MDGA1: variants seen among roughly 807,000 people sequenced by gnomAD.
The protein encoded by MDGA1 is MAM domain-containing glycosylphosphatidylinositol anchor protein 1.
A neutral mutation model predicts 101.5 loss-of-function variants in MDGA1; 54 were observed. The observed-to-expected ratio is 0.53, with a 90% CI of 0.43 to 0.67. MDGA1 has a LOEUF of 0.67. Ranked by LOEUF, MDGA1 falls within the 30% of genes least tolerant of loss-of-function variation. MDGA1 has a pLI of 0.00. For missense variants in MDGA1, 1,083 were observed against 1,323.8 expected (o/e 0.82, Z 2.82); for synonymous variants, 533 against 558.3 (o/e 0.95, Z 0.64).
intron 1 of MDGA1, among the ~76,000 whole-genome samples, chr6:37,684,412 A>G (rs1399925159): frequency 1.3e-5 from 2 of 152,242 alleles, no homozygotes; most frequent in African/African-American, 4.8e-5. Context: ...GTCTGAGAAT[A>G]AGAAATGAGG....
intron 1 of MDGA1, among the ~76,000 whole-genome samples, chr6:37,692,959 G>C (rs1762345142): frequency 6.6e-6 from 1 of 152,192 alleles, no homozygotes; most frequent in Non-Finnish European, 1.5e-5. Context: ...CCCTAAGGCG[G>C]GGGCTCTCCA....
chr6:37,658,393 G>A lies in MDGA1; in HGVS notation c.234C>T (p.Ser78=), dbSNP rs758378803. 1.7e-5 allele frequency: 28 copies of A among 1,610,364 alleles called. No individual in the cohort carries two copies. The highest frequency in any genetic ancestry group is 2.2e-5 in the South Asian group (2 of 90,668). Residue 78 remains serine (S), a synonymous_variant, in exon 3 of 17, where the codon AGC becomes AGT. Transcript: ENST00000434837. The stretch of plus-strand genomic sequence containing the variant: ...ATGTCTCCTGGAACTTGTCCGAGGC[G>A]CTACCTGCCGTCTTGGTCCACCGTA... The part of the protein sequence containing the change: ...PQVRWTKTAG[S]ASDKFQETSV...
At position 37,638,444 on chromosome 6, in the gene MDGA1, G is replaced by T; in HGVS notation, c.2667+93C>A. 1 of 1,573,188 alleles carries T rather than the reference G, an allele frequency of 6.4e-7. No individual in the cohort carries two copies. Reference sequence around the variant, plus strand: ...CCTAACCTGACTCTTTCCATCCTTAGCCCCCAGGAAGAAGGACAAGGTTTT... The same window carrying T: ...CCTAACCTGACTCTTTCCATCCTTATCCCCCAGGAAGAAGGACAAGGTTTT... On this transcript the variant is annotated intron_variant, in intron 15 of 16. Transcript: ENST00000434837. The surrounding 1 kb of genome is among the most constrained non-coding windows in gnomAD (Gnocchi z 4.8).
At chr6:37,645,061 T>A (rs982997438) in intron 12 of MDGA1, among the ~76,000 whole-genome samples, 2 of 152,246 alleles carry the variant, frequency 1.3e-5, no homozygotes, top group African/African-American at 2.4e-5. Flanking sequence ...ACTATAGTTT[T>A]GAAATACAAA....
At chr6:37,637,877 C>A in intron 16 of MDGA1, 1 of 530,912 alleles carries the variant, frequency 1.9e-6, no homozygotes, top group East Asian at 3.0e-5. Context: ...GTATTGGAAA[C>A]CTCTGGCCCT....
chr6:37,659,587 C>T (rs1440266216), intron 2 of MDGA1, among the ~76,000 whole-genome samples: 1 of 152,118 alleles, frequency 6.6e-6, no homozygotes, highest in African/African-American at 2.4e-5. Context: ...GGACTTCAGT[C>T]TTTAAGTAGG....
chr6:37,657,584 G>A (rs536870675), intron 3 of MDGA1, among the ~76,000 whole-genome samples: 1 of 152,372 alleles, frequency 6.6e-6, no homozygotes, highest in East Asian at 1.9e-4. Context: ...CACTTAGGGA[G>A]TGTGAGGATG....
chr6:37,694,140 G>C (rs981616448), intron 1 of MDGA1, among the ~76,000 whole-genome samples: 2 of 152,146 alleles, frequency 1.3e-5, no homozygotes, highest in Non-Finnish European at 2.9e-5. Context: ...TCCTCCCCAG[G>C]ATATACATTT....
rs573883779 is a variant in MDGA1 at position 37,652,711 on chromosome 6, A to G, written c.983-371T>C. On this transcript the variant is annotated intron_variant, in intron 6 of 16. Coordinates refer to ENST00000434837, the MANE Select transcript of MDGA1 (RefSeq NM_153487.4). The surrounding 1 kb of genome is among the most constrained non-coding windows in gnomAD (Gnocchi z 4.3). Reference sequence around the variant, plus strand: ...AAGGGAACTGAGGCTCAGACAGCTTAAGTAACTTGCCCAAAAAAGTAGCCA... The same window carrying G: ...AAGGGAACTGAGGCTCAGACAGCTTGAGTAACTTGCCCAAAAAAGTAGCCA... Among the ~76,000 whole-genome samples the G allele has an allele frequency of 7.9e-5, 12 of 152,342 alleles. 1 individual carries two copies. Among genetic ancestry groups the G allele is most frequent in the Admixed American group, 7.8e-4 (12 of 15,300 alleles).
At chr6:37,674,931 C>A (rs1364565530) in intron 1 of MDGA1, among the ~76,000 whole-genome samples, 1 of 152,164 alleles carries the variant, frequency 6.6e-6, no homozygotes, top group African/African-American at 2.4e-5. Flanking sequence ...GTGGCAGGCG[C>A]CTGTAATCCC....
intron 1 of MDGA1, among the ~76,000 whole-genome samples, chr6:37,683,003 C>T (rs975298753): frequency 2.6e-5 from 4 of 152,180 alleles, no homozygotes; most frequent in Admixed American, 1.3e-4. Flanking sequence ...ACAATTGTTT[C>T]ACCCAGAATC....
At chr6:37,662,140 C>T (rs554130738) in intron 2 of MDGA1, among the ~76,000 whole-genome samples, 23 of 140,178 alleles carry the variant, frequency 1.6e-4, no homozygotes, top group African/African-American at 3.7e-4. Context: ...CCAGCCTGGG[C>T]GACACAGCAA....
intron 2 of MDGA1, among the ~76,000 whole-genome samples, chr6:37,659,753 C>T (rs1204202137): frequency 6.6e-6 from 1 of 152,140 alleles, no homozygotes; most frequent in Non-Finnish European, 1.5e-5. Flanking sequence ...CTGCTCTCAT[C>T]CCCTGCCCGC....
intron 2 of MDGA1, among the ~76,000 whole-genome samples, chr6:37,663,205 C>T (rs534536872): frequency 6.6e-6 from 1 of 152,210 alleles, no homozygotes; most frequent in South Asian, 2.1e-4. Context: ...CTCCCCTCAG[C>T]TCTCAGTGAT....
At position 37,636,168 on chromosome 6, in the gene MDGA1, T is replaced by C. The variant is rs991882140; in HGVS notation, c.*1200A>G. ...GAGGAAAGATCTAGATCCCATCATG[T>C]CAATCTCAGGTGCCTAACCCAGGAC... On this transcript the variant is annotated 3_prime_UTR_variant, in exon 17 of 17. Transcript: ENST00000434837. 6 of 155,274 alleles carry C rather than the reference T, an allele frequency of 3.9e-5. No individual in the cohort carries two copies. The highest frequency in any genetic ancestry group is 1.3e-4 in the Admixed American group (2 of 15,340). The allele number at this position is 155,274 out of a possible 1,614,324, so 9.6% of individuals were successfully genotyped here.
In MDGA1 at chr6:37,637,346, G is replaced by T. The variant is rs893201513; in HGVS notation, c.*22C>A. 6.3e-7 allele frequency: 1 copy of T among 1,592,164 alleles called. No homozygotes were observed. Among genetic ancestry groups the T allele is most frequent in the Non-Finnish European group, 8.6e-7 (1 of 1,161,132 alleles). ...TTTGGTGTGCCGGGGGCAAGGTTGG[G>T]GGGGTGGCCACACAGCTCTCATCAT... On this transcript the variant is annotated 3_prime_UTR_variant, in exon 17 of 17. Coordinates refer to ENST00000434837, the MANE Select transcript of MDGA1 (RefSeq NM_153487.4).
chr6:37,669,851 A>T (rs1158492453), intron 1 of MDGA1, among the ~76,000 whole-genome samples: 1 of 152,248 alleles, frequency 6.6e-6, no homozygotes. Flanking sequence ...CAAACAAGAG[A>T]TGGCTCTCAA....
At position 37,655,423 on chromosome 6, in the gene MDGA1, G is replaced by A. The variant is rs1761461253; in HGVS notation, c.579+277C>T. The A allele has an allele frequency of 2.6e-6, 1 of 392,136 alleles. No individual in the cohort carries two copies. Among genetic ancestry groups the A allele is most frequent in the African/African-American group, 2.0e-5 (1 of 49,836 alleles). 24.3% of individuals were successfully genotyped at this position (392,136 alleles called of 1,614,324 possible). On this transcript the variant is annotated intron_variant, in intron 4 of 16. Coordinates refer to ENST00000434837, the MANE Select transcript of MDGA1 (RefSeq NM_153487.4). The surrounding 1 kb of genome is among the most constrained non-coding windows in gnomAD (Gnocchi z 5.1). ...ATACTCTGCCACCCAGCAGCAGACTGGGATGACCTGTCTGCCCCTAGGGGT... is the reference window on the plus strand; with the variant it reads ...ATACTCTGCCACCCAGCAGCAGACTAGGATGACCTGTCTGCCCCTAGGGGT...
chr6:37,652,051 C>T lies in MDGA1; in HGVS notation c.1272G>A (p.Val424=). ...LCMASFPGAP[V]PDLSVEVNIS... is the part of the protein sequence containing the mutation. ...TGTTGACCTCGACGCTGAGGTCGGG[C>T]ACGGGTGCCCCTGGGAAAGAAGCCA... Residue 424 remains valine (V), a synonymous_variant, in exon 7 of 17, where the codon GTG becomes GTA. Transcript: ENST00000434837. This position sits in a 1 kb window ranked among gnomAD's most constrained non-coding sequence, Gnocchi z 4.3. The T allele has an allele frequency of 6.2e-7, 1 of 1,610,174 alleles. No homozygotes were observed. Among genetic ancestry groups the T allele is most frequent in the South Asian group, 1.1e-5 (1 of 91,038 alleles).
Sources: allele counts gnomAD v4.1 joint callset (sites outside exome capture counted in the v4.1 genomes callset), GRCh38; gene constraint gnomAD v4.1.1; non-coding constraint Gnocchi (gnomAD v3.1); transcripts MANE v1.5; gene names NCBI Gene and HGNC (gene_info 2026-07-23, HGNC 2026-07-21).